RPS6KA5: variants seen among roughly 807,000 people sequenced by gnomAD.
The protein encoded by RPS6KA5 is ribosomal protein S6 kinase A5.
In RPS6KA5, 27 loss-of-function variants were observed where a neutral mutation model predicts 85.5. The observed-to-expected ratio is 0.32, with a 90% CI of 0.23 to 0.44. The LOEUF (loss-of-function observed/expected upper bound fraction) is 0.44, where lower values mean the gene tolerates loss of function less well. Ranked by LOEUF, RPS6KA5 falls within the 20% of genes least tolerant of loss-of-function variation. The pLI is 1.00. For synonymous variants in RPS6KA5, 334 were observed against 348.2 expected, an observed-to-expected ratio of 0.96 and a Z score of 0.46; for missense variants, 811 against 980.9, an observed-to-expected ratio of 0.83 and a Z score of 2.31.
Position 90,890,640 on chromosome 14 carries a change from A to C in RPS6KA5, c.1683T>G (p.Ile561Met). ...LFTDENDNLE[I>M]KIIDFGFARL... Reference sequence around the variant, plus strand: ...GTGCAAATCCAAAATCAATTATTTTAATTTCCAAATTGTCATTTTCATCGG... The same window carrying C: ...GTGCAAATCCAAAATCAATTATTTTCATTTCCAAATTGTCATTTTCATCGG... The change falls in exon 14 of 17, where the codon ATT (isoleucine) becomes ATG (methionine). Residue 561 changes from isoleucine (I) to methionine (M), a missense_variant. Transcript: ENST00000614987. The C allele has an allele frequency of 6.2e-7, 1 of 1,614,094 alleles. No homozygotes were observed. Among genetic ancestry groups the C allele is most frequent in the Non-Finnish European group, 8.5e-7 (1 of 1,179,992 alleles).
At chr14:90,913,211 C>A (rs2035927865) in intron 7 of RPS6KA5, among the ~76,000 whole-genome samples, 1 of 152,056 alleles carries the variant, frequency 6.6e-6, no homozygotes, top group South Asian at 2.1e-4. Flanking sequence ...CTGCGGCCGG[C>A]CACATGAAGC....
rs149004926 is a variant in RPS6KA5, at chr14:90,941,873, G to A, written c.618+1205C>T. 2.7e-4 allele frequency among the ~76,000 whole-genome samples: 41 copies of A among 152,172 alleles called. 1 individual carries two copies. The highest frequency in any genetic ancestry group is 7.7e-4 in the East Asian group (4 of 5,178). On this transcript the variant is annotated intron_variant, in intron 5 of 16. Transcript: ENST00000614987. ...TTGTGGGATTTATTAAGGAGGCAAC[G>A]GTAAACAGATTTAATCTGCTACAAT...
chr14:90,977,945 C>T (rs2039636277), intron 3 of RPS6KA5, among the ~76,000 whole-genome samples: 1 of 152,170 alleles, frequency 6.6e-6, no homozygotes, highest in Non-Finnish European at 1.5e-5. Flanking sequence ...GTCCCAGCTA[C>T]TCAGGAGGCT....
Position 90,874,926 on chromosome 14 carries a change from G to T in RPS6KA5, c.1996+275C>A, listed in dbSNP as rs569562871. On this transcript the variant is annotated intron_variant, in intron 15 of 16. Coordinates refer to ENST00000614987, the MANE Select transcript of RPS6KA5 (RefSeq NM_004755.4). ...GAAAGACAGGAGGAGGAGCGTGTTT[G>T]GGGGGAAGGACAGTCAAAAAGTATT... Among the ~76,000 whole-genome samples the T allele has an allele frequency of 3.9e-5, 6 of 152,238 alleles. No individual in the cohort carries two copies. The South Asian group carries it at 6.2e-4, about 16-fold the overall frequency.
intron 9 of RPS6KA5, among the ~76,000 whole-genome samples, chr14:90,901,058 A>G (rs1039598731): frequency 4.6e-5 from 7 of 152,216 alleles, no homozygotes; most frequent in Non-Finnish European, 8.8e-5. Flanking sequence ...ATTTGTTTAC[A>G]AACATAACTA....
rs140825833 is a variant in RPS6KA5, at chr14:90,855,604, A to ATTTTTGTATTTT, written c.*16458_*16469dup. 99,879 of 129,850 alleles carry ATTTTTGTATTTT rather than the reference A, an allele frequency of 0.77. 38,350 individuals carry two copies. The highest frequency in any genetic ancestry group is 0.86 in the Middle Eastern group (233 of 272). 8.0% of individuals were successfully genotyped at this position (129,850 alleles called of 1,614,324 possible). On this transcript the variant is annotated 3_prime_UTR_variant, in exon 17 of 17. Coordinates refer to ENST00000614987, the MANE Select transcript of RPS6KA5 (RefSeq NM_004755.4). The stretch of plus-strand genomic sequence containing the variant: ...AGGCACCCACCACCACGCCCAGCTA[A>ATTTTTGTATTTT]TTTTTGTATTTTTTTTTTTTTGAGA...
intron 7 of RPS6KA5, among the ~76,000 whole-genome samples, chr14:90,911,906 C>T (rs1033300471): frequency 2.0e-5 from 3 of 152,134 alleles, no homozygotes; most frequent in African/African-American, 7.2e-5. Flanking sequence ...GTTTCGCTTA[C>T]AAGATCACGA....
intron 1 of RPS6KA5, 142 bp downstream of exon 1, chr14:91,060,190 C>A (rs895807232): frequency 2.5e-5 from 24 of 968,540 alleles, no homozygotes; most frequent in Middle Eastern, 1.1e-3. Flanking sequence ...GGGGCACGCG[C>A]CCCGACCGCG....
chr14:91,000,799 C>A (rs1234789283), intron 2 of RPS6KA5, among the ~76,000 whole-genome samples: 1 of 151,670 alleles, frequency 6.6e-6, no homozygotes, highest in Non-Finnish European at 1.5e-5. Flanking sequence ...TAGACTCCGT[C>A]TCAAAAAAAA....
At chr14:91,049,744 G>T (rs2042998349) in intron 1 of RPS6KA5, among the ~76,000 whole-genome samples, 1 of 152,188 alleles carries the variant, frequency 6.6e-6, no homozygotes, top group South Asian at 2.1e-4. Context: ...GTGATTTCAT[G>T]GTTGCACAAA....
In RPS6KA5 at chr14:91,055,818, C is replaced by T. The variant is rs541331040; in HGVS notation, c.103+4514G>A. On this transcript the variant is annotated intron_variant, in intron 1 of 16. Coordinates refer to ENST00000614987, the MANE Select transcript of RPS6KA5 (RefSeq NM_004755.4). Reference sequence around the variant, plus strand: ...AGACATGGCATGGTAGGTTCCACCTCGCTGTCTCTCAGATCACTTGTTTTT... The same window carrying T: ...AGACATGGCATGGTAGGTTCCACCTTGCTGTCTCTCAGATCACTTGTTTTT... Among the ~76,000 whole-genome samples the T allele has an allele frequency of 1.6e-3, 249 of 152,292 alleles. 2 individuals carry two copies. The highest frequency in any genetic ancestry group is 5.8e-3 in the African/African-American group (242 of 41,564).
chr14:90,923,303 T>C, intron 5 of RPS6KA5, 107 bp from the exon 6 acceptor site: 3 of 836,448 alleles, frequency 3.6e-6, no homozygotes, highest in South Asian at 2.9e-5. Context: ...AGTGGCAAAG[T>C]AGTGGTAGAA....
chr14:90,968,454 T>A (rs527496412), intron 3 of RPS6KA5, among the ~76,000 whole-genome samples: 1 of 152,332 alleles, frequency 6.6e-6, no homozygotes, highest in South Asian at 2.1e-4. Context: ...CTCAACATAC[T>A]GACAGGTCCT....
Position 90,864,225 on chromosome 14 carries a change from T to C in RPS6KA5, c.*7849A>G. ...CATGACCTTGGCTCACTGCAACCTC[T>C]GCCTCCTGGGTTCAAGCGATTCTCC... On this transcript the variant is annotated 3_prime_UTR_variant, in exon 17 of 17. Transcript: ENST00000614987. 6.5e-6 allele frequency: 1 copy of C among 153,094 alleles called. No homozygotes were observed. Among genetic ancestry groups the C allele is most frequent in the Non-Finnish European group, 1.5e-5 (1 of 68,662 alleles). 9.5% of individuals were successfully genotyped at this position (153,094 alleles called of 1,614,324 possible). A position where few individuals can be genotyped will look rare whatever the true frequency, so the allele number is the denominator to read the frequency against.
intron 8 of RPS6KA5, among the ~76,000 whole-genome samples, chr14:90,903,675 T>C (rs573328915): frequency 1.3e-5 from 2 of 152,338 alleles, no homozygotes; most frequent in Non-Finnish European, 2.9e-5. Flanking sequence ...TCTGTTTCTT[T>C]GTGCTCCTTC....
intron 9 of RPS6KA5, among the ~76,000 whole-genome samples, chr14:90,902,213 G>A (rs764100594): frequency 2.6e-5 from 4 of 151,666 alleles, no homozygotes; most frequent in Non-Finnish European, 4.4e-5. Flanking sequence ...GGCTGGACGT[G>A]GTGGCTCATG....
At chr14:90,917,467 T>C (rs781449003) in intron 7 of RPS6KA5, among the ~76,000 whole-genome samples, 6 of 152,212 alleles carry the variant, frequency 3.9e-5, no homozygotes, top group Non-Finnish European at 8.8e-5. Flanking sequence ...AGTTTTGACA[T>C]ATGTATACAC....
Position 91,021,120 on chromosome 14 carries a change from G to A in RPS6KA5, c.104-19961C>T, listed in dbSNP as rs373467342. Among the ~76,000 whole-genome samples, 46 of 152,184 alleles carry A rather than the reference G, an allele frequency of 3.0e-4. No individual in the cohort carries two copies. The South Asian group carries it at 8.7e-3, about 29-fold the overall frequency. ...ACACATTTTAGGGCATGAAAAATAC[G>A]CTGTTCTTCATCAAAATGTCCTATC... On this transcript the variant is annotated intron_variant, in intron 1 of 16. Coordinates refer to ENST00000614987, the MANE Select transcript of RPS6KA5 (RefSeq NM_004755.4).
chr14:91,044,295 AAGAGAGAGAAAG>A (rs1405334258), intron 1 of RPS6KA5, among the ~76,000 whole-genome samples: 1 of 37,644 alleles, frequency 2.7e-5, no homozygotes, highest in African/African-American at 1.1e-4. Flanking sequence ...GAGAGAGAGA[AAGAGAGAGAAAG>A]AGAGAGAGAG....
Sources: gnomAD v4.1 joint callset for allele counts (sites outside exome capture counted in the v4.1 genomes callset) on GRCh38, gnomAD v4.1.1 for gene constraint, MANE v1.5 for transcripts, NCBI Gene and HGNC (gene_info 2026-07-23, HGNC 2026-07-21) for gene names.